RYR3: variants seen among roughly 807,000 people sequenced by gnomAD.
RYR3 encodes the protein brain ryanodine receptor-calcium release channel.
In RYR3, 207 loss-of-function variants were observed where a neutral mutation model predicts 584.3. That is an observed-to-expected ratio of 0.35 (90% CI 0.32 to 0.40). The LOEUF (loss-of-function observed/expected upper bound fraction) is 0.40. Ranked by LOEUF, RYR3 falls within the 10% of genes least tolerant of loss-of-function variation. RYR3 has a pLI of 1.00. For missense variants in RYR3, 5,616 were observed against 6,089.2 expected (o/e 0.92, Z 2.59); for synonymous variants, 2,416 against 2,248.5 (o/e 1.07, Z -2.11).
chr15:33,392,724 C>T (rs188458251), intron 1 of RYR3, among the ~76,000 whole-genome samples: 44 of 152,172 alleles, frequency 2.9e-4, no homozygotes, highest in Non-Finnish European at 3.7e-4. Flanking sequence ...GCAGGAGATC[C>T]GACACTACTG....
intron 69 of RYR3, among the ~76,000 whole-genome samples, chr15:33,804,635 G>A (rs1034061924): frequency 2.6e-5 from 4 of 152,166 alleles, no homozygotes; most frequent in African/African-American, 4.8e-5. Flanking sequence ...CCATGCCTCC[G>A]ATAAGAAATA....
At chr15:33,770,950 C>G (rs533734485) in intron 62 of RYR3, among the ~76,000 whole-genome samples, 1 of 152,212 alleles carries the variant, frequency 6.6e-6, no homozygotes, top group East Asian at 1.9e-4. Flanking sequence ...AGCTTTGTTC[C>G]AATTCTAAGT....
chr15:33,366,986 AT>A (rs1412700554), intron 1 of RYR3, among the ~76,000 whole-genome samples: 1 of 152,250 alleles, frequency 6.6e-6, no homozygotes, highest in Non-Finnish European at 1.5e-5. Context: ...TGTACCTGAT[AT>A]TAGCGTGGCC....
At chr15:33,840,738 A>C in intron 89 of RYR3, 87 bp from the exon 90 acceptor site, 1 of 1,216,036 alleles carries the variant, frequency 8.2e-7, no homozygotes, top group East Asian at 2.4e-5. Context: ...GAAATTTGTG[A>C]CCAAGAAGCA....
chr15:33,521,674 G>A (rs2053995585), intron 3 of RYR3, among the ~76,000 whole-genome samples: 1 of 152,176 alleles, frequency 6.6e-6, no homozygotes, highest in African/African-American at 2.4e-5. Context: ...GAAGAAGGCA[G>A]TACTGTGGGT....
At chr15:33,844,353 G>A (rs1438931749) in intron 92 of RYR3, among the ~76,000 whole-genome samples, 2 of 152,194 alleles carry the variant, frequency 1.3e-5, no homozygotes. Context: ...GCAAGCAGTT[G>A]GAGCTACAGG....
intron 67 of RYR3, among the ~76,000 whole-genome samples, chr15:33,793,256 C>G (rs1391350170): frequency 6.6e-6 from 1 of 152,144 alleles, no homozygotes; most frequent in East Asian, 1.9e-4. Flanking sequence ...CCCTCCCTGC[C>G]CATCAATGTG....
intron 10 of RYR3, among the ~76,000 whole-genome samples, chr15:33,553,823 A>G (rs2056866758): frequency 6.6e-6 from 1 of 152,170 alleles, no homozygotes; most frequent in African/African-American, 2.4e-5. Context: ...CCTGGAACAC[A>G]ATTCTTCATC....
chr15:33,815,137 C>T (rs2152951703), intron 74 of RYR3, among the ~76,000 whole-genome samples: 1 of 149,788 alleles, frequency 6.7e-6, no homozygotes, highest in East Asian at 2.0e-4. Flanking sequence ...TTTCAAGAAA[C>T]AGATTACTAT....
chr15:33,687,937 T>G (rs1163157587), intron 38 of RYR3, among the ~76,000 whole-genome samples: 3 of 152,180 alleles, frequency 2.0e-5, no homozygotes, highest in African/African-American at 7.2e-5. Flanking sequence ...GACTTAAATG[T>G]TAGACCTAAA....
rs371119452 is a variant in RYR3 at position 33,781,101 on chromosome 15, T to G, written c.9268+760T>G. Among the ~76,000 whole-genome samples, 12 of 152,332 alleles carry G rather than the reference T, an allele frequency of 7.9e-5. No individual in the cohort carries two copies. The South Asian group carries it at 1.5e-3, about 18-fold the overall frequency. On this transcript the variant is annotated intron_variant, in intron 65 of 103. Transcript: ENST00000634891. ...CCTCTACAGGAAACGTTTTCCACCC[T>G]CTTTTGTAAAATGATCCTGGAACTA...
chr15:33,318,900 C>T (rs772936082), intron 1 of RYR3, among the ~76,000 whole-genome samples: 6 of 152,182 alleles, frequency 3.9e-5, no homozygotes, highest in African/African-American at 4.8e-5. Flanking sequence ...TTATTGTATT[C>T]ATTAACACGT....
chr15:33,478,737 C>T (rs548217865), intron 2 of RYR3, among the ~76,000 whole-genome samples: 5 of 152,248 alleles, frequency 3.3e-5, no homozygotes, highest in African/African-American at 4.8e-5. Flanking sequence ...TAGATATATC[C>T]GGAACCCCAA....
At chr15:33,401,744 TATATGGATGACAA>T (rs2042687317) in intron 1 of RYR3, among the ~76,000 whole-genome samples, 2 of 152,344 alleles carry the variant, frequency 1.3e-5, no homozygotes, top group South Asian at 4.1e-4. Flanking sequence ...CAAATGTTGT[TATATGGATGACAA>T]ATCCTATATT....
Position 33,821,287 on chromosome 15 carries a change from GC to G in RYR3, c.10834del (p.Gln3612LysfsTer22). 2 of 1,597,618 alleles carry G rather than the reference GC, an allele frequency of 1.3e-6. No homozygotes were observed. Among genetic ancestry groups the G allele is most frequent in the Non-Finnish European group, 1.7e-6 (2 of 1,172,298 alleles). ...CCCCCCAGGAGAAAGAGATGGAGAA[GC>G]AAAAAACCCTCTATCAGCAAGCTCG... ...KTFEEKEMEK[Q>X]KTLYQQARLH... On this transcript the variant is annotated frameshift_variant, in exon 79 of 104. Coordinates refer to ENST00000634891, the MANE Select transcript of RYR3 (RefSeq NM_001036.6). LOFTEE classifies it high-confidence loss of function.
At chr15:33,628,122 A>C (rs1044666712) in intron 20 of RYR3, among the ~76,000 whole-genome samples, 1 of 152,262 alleles carries the variant, frequency 6.6e-6, no homozygotes, top group Non-Finnish European at 1.5e-5. Flanking sequence ...TAAACTTCAA[A>C]AGAGACCATG....
intron 60 of RYR3, among the ~76,000 whole-genome samples, chr15:33,761,498 T>C (rs923658635): frequency 7.9e-5 from 12 of 152,182 alleles, no homozygotes; most frequent in African/African-American, 2.9e-4. Flanking sequence ...TAGAAAAATC[T>C]AGAATAAATG....
At chr15:33,729,367 C>T (rs182117293) in intron 47 of RYR3, among the ~76,000 whole-genome samples, 24 of 152,222 alleles carry the variant, frequency 1.6e-4, no homozygotes, top group African/African-American at 5.5e-4. Context: ...CACCGCGAAT[C>T]CCTGCCAAAA....
At chr15:33,353,463 T>C (rs1973546817) in intron 1 of RYR3, among the ~76,000 whole-genome samples, 2 of 152,164 alleles carry the variant, frequency 1.3e-5, no homozygotes, top group Admixed American at 1.3e-4. Context: ...GCATCAGATT[T>C]GAAGCTTATT....
Sources: allele counts gnomAD v4.1 joint callset (sites outside exome capture counted in the v4.1 genomes callset), GRCh38; gene constraint gnomAD v4.1.1; transcripts MANE v1.5; gene names NCBI Gene and HGNC (gene_info 2026-07-23, HGNC 2026-07-21).